The following LRRTM4 variants were observed in gnomAD, a reference collection of about 807,000 sequenced individuals.
LRRTM4 encodes leucine rich repeat transmembrane neuronal 4, also known as leucine-rich repeat transmembrane neuronal protein 4.
LRRTM4 carries 25 observed loss-of-function variants against 47.6 expected under a neutral mutation model. That is an observed-to-expected ratio of 0.53 (90% CI 0.38 to 0.73). The LOEUF (loss-of-function observed/expected upper bound fraction) is 0.73, where lower values mean the gene tolerates loss of function less well. Ranked by LOEUF, LRRTM4 falls within the 30% of genes least tolerant of loss-of-function variation. The pLI, the probability that LRRTM4 is intolerant of heterozygous loss-of-function variation, is 0.00. For missense variants in LRRTM4, 638 were observed against 713.4 expected (o/e 0.89, Z 1.20); for synonymous variants, 311 against 269.5 (o/e 1.15, Z -1.51).
intron 3 of LRRTM4, among the ~76,000 whole-genome samples, chr2:77,048,060 CATCTT>C (rs778914164): frequency 3.6e-4 from 54 of 152,078 alleles, no homozygotes; most frequent in East Asian, 1.2e-3. Context: ...TCGATTATCT[CATCTT>C]ATATTTCTCT....
chr2:77,434,300 A>T (rs1476777919), intron 3 of LRRTM4, among the ~76,000 whole-genome samples: 1 of 152,140 alleles, frequency 6.6e-6, no homozygotes, highest in Non-Finnish European at 1.5e-5. Context: ...ACTGAATAGG[A>T]ACCAGGAAAA....
At chr2:77,183,925 C>G (rs531752994) in intron 3 of LRRTM4, among the ~76,000 whole-genome samples, 1 of 151,996 alleles carries the variant, frequency 6.6e-6, no homozygotes, top group African/African-American at 2.4e-5. Context: ...CACACCGGGG[C>G]CTGTCGTGGG....
At chr2:76,953,854 G>A (rs1357581632) in intron 3 of LRRTM4, among the ~76,000 whole-genome samples, 4 of 151,888 alleles carry the variant, frequency 2.6e-5, no homozygotes, top group Non-Finnish European at 4.4e-5. Context: ...GGCATAATTT[G>A]TATGCTTGAA....
At chr2:77,298,426 C>T (rs1454409156) in intron 3 of LRRTM4, among the ~76,000 whole-genome samples, 1 of 152,032 alleles carries the variant, frequency 6.6e-6, no homozygotes, top group Non-Finnish European at 1.5e-5. Flanking sequence ...TTAGTGGAGA[C>T]GGGGTGTTCA....
intron 3 of LRRTM4, among the ~76,000 whole-genome samples, chr2:77,515,786 G>A (rs537880269): frequency 7.9e-5 from 12 of 151,936 alleles, no homozygotes; most frequent in African/African-American, 2.6e-4. Flanking sequence ...TTTGTAGAGA[G>A]ATTTTGTCCA....
At chr2:76,983,237 C>A (rs1285548339) in intron 3 of LRRTM4, among the ~76,000 whole-genome samples, 1 of 151,936 alleles carries the variant, frequency 6.6e-6, no homozygotes, top group African/African-American at 2.4e-5. Context: ...GCAGAAAGGT[C>A]AAAATTGGCC....
intron 3 of LRRTM4, among the ~76,000 whole-genome samples, chr2:76,893,910 G>A (rs1673329664): frequency 1.3e-5 from 2 of 151,866 alleles, no homozygotes; most frequent in African/African-American, 4.8e-5. Context: ...TCAGGAGAAA[G>A]TCACTTTTCA....
chr2:77,340,455 T>G (rs1408487129), intron 3 of LRRTM4, among the ~76,000 whole-genome samples: 1 of 152,026 alleles, frequency 6.6e-6, no homozygotes, highest in Non-Finnish European at 1.5e-5. Flanking sequence ...TGGTACAGTG[T>G]AAGTTCTTAC....
chr2:76,992,847 T>C (rs74641650), intron 3 of LRRTM4, among the ~76,000 whole-genome samples: 2 of 145,396 alleles, frequency 1.4e-5, no homozygotes, highest in Non-Finnish European at 3.0e-5. Context: ...AAAAGCTGGG[T>C]GTATCATATT....
At position 77,122,463 on chromosome 2, in the gene LRRTM4, C is replaced by CAT. The variant is rs201287949; in HGVS notation, c.1552-373549_1552-373548dup. Among the ~76,000 whole-genome samples the CAT allele has an allele frequency of 1.3e-4, 19 of 149,574 alleles. 1 individual carries two copies. In the South Asian group the frequency reaches 1.5e-3, roughly 12 times the overall value. On this transcript the variant is annotated intron_variant, in intron 3 of 3. Transcript: ENST00000409884. ...TATACATATTATACACATATATAAT[C>CAT]ATATATATACACACATAAATACTAT...
intron 3 of LRRTM4, among the ~76,000 whole-genome samples, chr2:77,420,052 C>G (rs1013975572): frequency 2.0e-5 from 3 of 152,142 alleles, no homozygotes; most frequent in Admixed American, 6.5e-5. Flanking sequence ...GTGTTTCTGT[C>G]ATTAGAATTA....
rs1365597729 is a variant in LRRTM4 at position 76,873,916 on chromosome 2, C to G, written c.1552-125000G>C. The stretch of plus-strand genomic sequence containing the variant: ...CAGTCTCCTCTGATTATTTGAATCC[C>G]TTGAAATTTTATAAAGTTAATTTTT... On this transcript the variant is annotated intron_variant, in intron 3 of 3. Coordinates refer to ENST00000409884, the MANE Select transcript of LRRTM4 (RefSeq NM_001134745.3). Among the ~76,000 whole-genome samples the G allele has an allele frequency of 2.0e-5, 3 of 151,742 alleles. 1 individual carries two copies. Among genetic ancestry groups the G allele is most frequent in the Non-Finnish European group, 4.4e-5 (3 of 67,954 alleles).
intron 3 of LRRTM4, among the ~76,000 whole-genome samples, chr2:76,892,237 C>T (rs867240047): frequency 1.3e-5 from 2 of 151,428 alleles, no homozygotes; most frequent in Non-Finnish European, 3.0e-5. Flanking sequence ...AGTTAAATTA[C>T]AACTCACATG....
At chr2:77,107,822 A>AG (rs200740935) in intron 3 of LRRTM4, among the ~76,000 whole-genome samples, 4,108 of 150,318 alleles carry the variant, frequency 0.027, 64 homozygotes, top group Non-Finnish European at 0.037. Context: ...CCAACTCAAA[A>AG]AAAAAAAAAA....
At chr2:76,928,087 T>G (rs1384179394) in intron 3 of LRRTM4, among the ~76,000 whole-genome samples, 1 of 152,144 alleles carries the variant, frequency 6.6e-6, no homozygotes, top group African/African-American at 2.4e-5. Context: ...TGGCTTTACA[T>G]GAGACATATA....
intron 3 of LRRTM4, among the ~76,000 whole-genome samples, chr2:76,757,527 G>GGCTA (rs1673079542): frequency 1.3e-5 from 2 of 152,088 alleles, no homozygotes; most frequent in Non-Finnish European, 1.5e-5. Context: ...TGAGGTTTTA[G>GGCTA]GCTAATGAGC....
At chr2:77,325,449 C>A (rs1193720314) in intron 3 of LRRTM4, among the ~76,000 whole-genome samples, 1 of 152,022 alleles carries the variant, frequency 6.6e-6, no homozygotes, top group Non-Finnish European at 1.5e-5. Flanking sequence ...CTATATAGGG[C>A]TCTGGATTTC....
At chr2:76,981,539 G>T (rs554957506) in intron 3 of LRRTM4, among the ~76,000 whole-genome samples, 14 of 152,206 alleles carry the variant, frequency 9.2e-5, no homozygotes, top group African/African-American at 3.4e-4. Context: ...CTGTCGCCTA[G>T]ACTGAAGTGC....
intron 3 of LRRTM4, among the ~76,000 whole-genome samples, chr2:77,288,037 A>G (rs907371329): frequency 4.6e-5 from 7 of 152,052 alleles, no homozygotes; most frequent in African/African-American, 1.7e-4. Flanking sequence ...CCATAACAAC[A>G]TTGGTCTATG....
Sources: gnomAD v4.1 joint callset for allele counts (sites outside exome capture counted in the v4.1 genomes callset) on GRCh38, gnomAD v4.1.1 for gene constraint, MANE v1.5 for transcripts, NCBI Gene and HGNC (gene_info 2026-07-23, HGNC 2026-07-21) for gene names.